The following PCCA variants were observed in gnomAD, a reference collection of about 807,000 sequenced individuals.
PCCA encodes propionyl-CoA carboxylase subunit alpha, also known as propionyl-CoA carboxylase alpha chain, mitochondrial.
In PCCA, 74 loss-of-function variants were observed where a neutral mutation model predicts 101.3. The ratio of observed to expected loss-of-function variants is 0.73; its 90% confidence interval spans 0.61 to 0.89. The LOEUF is 0.89. Ranked by LOEUF, PCCA falls within the 40% of genes least tolerant of loss-of-function variation. The pLI is 0.00. For missense variants in PCCA, 891 were observed against 907.0 expected (o/e 0.98, Z 0.23); for synonymous variants, 294 against 313.6 (o/e 0.94, Z 0.66).
chr13:100,325,031 A>G (rs2068499422), intron 16 of PCCA, among the ~76,000 whole-genome samples: 3 of 152,200 alleles, frequency 2.0e-5, no homozygotes, highest in South Asian at 4.1e-4. Context: ...TTGATAATAT[A>G]TGGTAGATTG....
intron 10 of PCCA, 114 bp downstream of exon 10, chr13:100,262,945 G>A (rs1267455096): frequency 6.2e-6 from 4 of 643,026 alleles, no homozygotes; most frequent in Non-Finnish European, 1.1e-5. Context: ...TTTAGAATCT[G>A]TTGTACTTTC....
At chr13:100,334,095 C>G (rs761834789) in intron 17 of PCCA, among the ~76,000 whole-genome samples, 1 of 152,008 alleles carries the variant, frequency 6.6e-6, no homozygotes, top group South Asian at 2.1e-4. Context: ...AGAAACAAAA[C>G]AAAACAACAA....
intron 4 of PCCA, among the ~76,000 whole-genome samples, chr13:100,145,613 C>A (rs1249776901): frequency 6.6e-6 from 1 of 152,068 alleles, no homozygotes; most frequent in Non-Finnish European, 1.5e-5. Context: ...CCTGTAATCC[C>A]AGCACTTTGG....
chr13:100,491,558 C>T, intron 21 of PCCA: 1 of 649,508 alleles, frequency 1.5e-6, no homozygotes, highest in Non-Finnish European at 2.5e-6. Flanking sequence ...TGACTCACTG[C>T]AAACAGCTGC....
chr13:100,416,526 G>GTA (rs1188021052), intron 19 of PCCA, among the ~76,000 whole-genome samples: 1 of 150,694 alleles, frequency 6.6e-6, no homozygotes, highest in African/African-American at 2.4e-5. Flanking sequence ...GTGTGTGTGT[G>GTA]TGTGTGTGTG....
At chr13:100,332,754 A>G (rs2069827934) in intron 17 of PCCA, among the ~76,000 whole-genome samples, 2 of 152,120 alleles carry the variant, frequency 1.3e-5, no homozygotes, top group Non-Finnish European at 2.9e-5. Flanking sequence ...AATATATTAC[A>G]TTTCTTTTTT....
intron 4 of PCCA, among the ~76,000 whole-genome samples, chr13:100,113,098 T>A (rs1004371055): frequency 1.3e-5 from 2 of 152,106 alleles, no homozygotes; most frequent in East Asian, 3.9e-4. Flanking sequence ...CATCGTTAGG[T>A]GAATTCAATA....
At chr13:100,526,519 G>A (rs530314163) in intron 22 of PCCA, among the ~76,000 whole-genome samples, 19 of 152,378 alleles carry the variant, frequency 1.2e-4, no homozygotes, top group Middle Eastern at 6.8e-3. Flanking sequence ...GGGGGGGCCA[G>A]AGGGGGACTT....
chr13:100,283,519 A>G (rs1447436311), intron 12 of PCCA, among the ~76,000 whole-genome samples: 1 of 152,188 alleles, frequency 6.6e-6, no homozygotes, highest in African/African-American at 2.4e-5. Flanking sequence ...CTCCCCTGTC[A>G]CCCGAATCAC....
intron 7 of PCCA, among the ~76,000 whole-genome samples, chr13:100,219,485 A>C (rs2059694693): frequency 1.3e-5 from 2 of 152,148 alleles, no homozygotes; most frequent in South Asian, 4.1e-4. Context: ...TCTCCTAGGA[A>C]GGGAATGTTT....
chr13:100,323,220 T>G (rs916907416), intron 16 of PCCA, among the ~76,000 whole-genome samples: 1 of 152,258 alleles, frequency 6.6e-6, no homozygotes, highest in African/African-American at 2.4e-5. Flanking sequence ...GAGGCTAGAT[T>G]TGGCCTTCAG....
intron 21 of PCCA, among the ~76,000 whole-genome samples, chr13:100,461,383 AAT>A (rs768892815): frequency 6.6e-5 from 10 of 152,366 alleles, no homozygotes; most frequent in Non-Finnish European, 1.0e-4. Flanking sequence ...ATCAAATTTT[AAT>A]AGAGCAGACT....
chr13:100,445,484 C>T (rs934431107), intron 20 of PCCA, among the ~76,000 whole-genome samples: 1 of 152,094 alleles, frequency 6.6e-6, no homozygotes, highest in African/African-American at 2.4e-5. Context: ...AATAATACGT[C>T]GTCATTAACT....
At chr13:100,109,016 G>C (rs1387501659) in intron 2 of PCCA, among the ~76,000 whole-genome samples, 3 of 152,204 alleles carry the variant, frequency 2.0e-5, no homozygotes, top group South Asian at 4.1e-4. Flanking sequence ...CAGAGAAGAT[G>C]TGTCAGGTGC....
chr13:100,450,613 A>C (rs1016535614), intron 21 of PCCA, among the ~76,000 whole-genome samples: 1 of 152,140 alleles, frequency 6.6e-6, no homozygotes, highest in African/African-American at 2.4e-5. Context: ...CAAGAATATC[A>C]AGAGGTATTT....
chr13:100,388,587 G>A (rs2076641271), intron 19 of PCCA, among the ~76,000 whole-genome samples: 4 of 152,228 alleles, frequency 2.6e-5, no homozygotes, highest in Admixed American at 2.6e-4. Context: ...CCTGAGATCA[G>A]GAGTTGGAGA....
intron 6 of PCCA, among the ~76,000 whole-genome samples, chr13:100,206,236 TC>T (rs1468067927): frequency 2.6e-5 from 4 of 152,052 alleles, no homozygotes; most frequent in Non-Finnish European, 4.4e-5. Context: ...TATTTTAGAG[TC>T]CTGTGGACCT....
At chr13:100,254,913 TC>T (rs111338157) in intron 8 of PCCA, among the ~76,000 whole-genome samples, 1 of 149,744 alleles carries the variant, frequency 6.7e-6, no homozygotes, top group African/African-American at 2.5e-5. Context: ...GAGACCCCCA[TC>T]TTTAAAAAAA....
At chr13:100,277,106 C>T (rs1473231915) in intron 12 of PCCA, among the ~76,000 whole-genome samples, 3 of 152,200 alleles carry the variant, frequency 2.0e-5, no homozygotes, top group East Asian at 1.9e-4. Context: ...GTGTAAGGCT[C>T]CTTGAACTCC....
Sources: gnomAD v4.1 joint callset for allele counts (sites outside exome capture counted in the v4.1 genomes callset) on GRCh38, gnomAD v4.1.1 for gene constraint, MANE v1.5 for transcripts, NCBI Gene and HGNC (gene_info 2026-07-23, HGNC 2026-07-21) for gene names.